C1orf21: variants seen among roughly 807,000 people sequenced by gnomAD.
The protein encoded by C1orf21 is uncharacterized protein C1orf21.
A neutral mutation model predicts 18.7 loss-of-function variants in C1orf21; 3 were observed. The ratio of observed to expected loss-of-function variants is 0.16; its 90% CI spans 0.07 to 0.42. The LOEUF (loss-of-function observed/expected upper bound fraction) is 0.42, where lower values mean the gene tolerates loss of function less well. C1orf21 is among the 10% of genes least tolerant of loss of function. The pLI, the probability that C1orf21 is intolerant of heterozygous loss-of-function variation, is 0.99. For missense variants in C1orf21, 104 were observed against 143.6 expected (o/e 0.72, Z 1.41); for synonymous variants, 41 against 46.4 (o/e 0.88, Z 0.47).
intron 1 of C1orf21, among the ~76,000 whole-genome samples, chr1:184,425,294 G>T (rs565754706): frequency 6.6e-6 from 1 of 151,400 alleles, no homozygotes; most frequent in African/African-American, 2.4e-5. Context: ...TTGAGACAAG[G>T]TCTCGTTCTG....
intron 1 of C1orf21, among the ~76,000 whole-genome samples, chr1:184,389,753 G>GT (rs986234581): frequency 1.3e-5 from 2 of 152,190 alleles, no homozygotes; most frequent in East Asian, 1.9e-4. Flanking sequence ...TCTATAAGAC[G>GT]TTTTTTTGTT....
At chr1:184,404,034 A>G (rs930456546) in intron 1 of C1orf21, among the ~76,000 whole-genome samples, 1 of 152,240 alleles carries the variant, frequency 6.6e-6, no homozygotes, top group Non-Finnish European at 1.5e-5. Context: ...GATATGTTAT[A>G]TGCCAGATAT....
intron 1 of C1orf21, among the ~76,000 whole-genome samples, chr1:184,444,642 T>C (rs1657000795): frequency 6.6e-6 from 1 of 152,164 alleles, no homozygotes; most frequent in Admixed American, 6.5e-5. Flanking sequence ...TGTGAGACTT[T>C]GGGAAGTTAT....
intron 2 of C1orf21, among the ~76,000 whole-genome samples, chr1:184,481,157 G>T (rs1396841387): frequency 6.6e-6 from 1 of 152,008 alleles, no homozygotes; most frequent in Non-Finnish European, 1.5e-5. Flanking sequence ...AAAGAGAAAA[G>T]AAGAAATAAC....
At chr1:184,611,073 T>C (rs1298597045) in intron 5 of C1orf21, among the ~76,000 whole-genome samples, 1 of 152,200 alleles carries the variant, frequency 6.6e-6, no homozygotes, top group African/African-American at 2.4e-5. Flanking sequence ...CACACTCCAC[T>C]GCTCATTACA....
In C1orf21 at chr1:184,496,760, T is replaced by A. The variant is rs184079318; in HGVS notation, c.95-10828T>A. Among the ~76,000 whole-genome samples, 649 of 152,298 alleles carry A rather than the reference T, an allele frequency of 4.3e-3. 2 individuals are homozygous for A. Among genetic ancestry groups the A allele is most frequent in the Non-Finnish European group, 6.5e-3 (439 of 68,022 alleles). ...ACCCTGTATGAGCTATCCACCCCAG[T>A]TTACGTTTGGCTTGTTTATACAGAA... On this transcript the variant is annotated intron_variant, in intron 2 of 5. Transcript: ENST00000235307.
intron 1 of C1orf21, among the ~76,000 whole-genome samples, chr1:184,475,845 A>G (rs1402612751): frequency 6.6e-6 from 1 of 151,622 alleles, no homozygotes; most frequent in East Asian, 1.9e-4. Flanking sequence ...AAGTTACATC[A>G]AGTATGGGGA....
At position 184,553,423 on chromosome 1, in the gene C1orf21, T is replaced by C. The variant is rs144184719; in HGVS notation, c.190-37316T>C. On this transcript the variant is annotated intron_variant, in intron 3 of 5. Coordinates refer to ENST00000235307, the MANE Select transcript of C1orf21 (RefSeq NM_030806.4). Reference sequence around the variant, plus strand: ...AAAAGTGAGTGCCTGCTTACTGTTTTTCCTGGTTCTGTGCCGTAAACACTG... The same window carrying C: ...AAAAGTGAGTGCCTGCTTACTGTTTCTCCTGGTTCTGTGCCGTAAACACTG... 2.9e-3 allele frequency among the ~76,000 whole-genome samples: 444 copies of C among 152,352 alleles called. 4 individuals carry two copies. The highest frequency in any genetic ancestry group is 8.5e-3 in the South Asian group (41 of 4,824).
chr1:184,400,555 A>G (rs1656135348), intron 1 of C1orf21, among the ~76,000 whole-genome samples: 1 of 152,228 alleles, frequency 6.6e-6, no homozygotes. Flanking sequence ...ACTCTGTACC[A>G]TGGGTAGAAA....
At chr1:184,521,985 C>G (rs1350545798) in intron 3 of C1orf21, among the ~76,000 whole-genome samples, 1 of 152,096 alleles carries the variant, frequency 6.6e-6, no homozygotes, top group Non-Finnish European at 1.5e-5. Flanking sequence ...ATTAACAATT[C>G]TGAAAACACT....
chr1:184,517,276 T>C (rs1658245392), intron 3 of C1orf21, among the ~76,000 whole-genome samples: 1 of 152,206 alleles, frequency 6.6e-6, no homozygotes, highest in African/African-American at 2.4e-5. Flanking sequence ...ACAAGTCCAT[T>C]TGAACTCTTT....
intron 2 of C1orf21, among the ~76,000 whole-genome samples, chr1:184,494,050 G>C (rs1185020146): frequency 3.9e-5 from 6 of 152,220 alleles, no homozygotes; most frequent in African/African-American, 1.4e-4. Context: ...AATAAAAAGA[G>C]AGACAAACAT....
intron 3 of C1orf21, among the ~76,000 whole-genome samples, chr1:184,585,461 A>G (rs928735672): frequency 6.6e-6 from 1 of 152,178 alleles, no homozygotes. Flanking sequence ...GCTTGTGTGC[A>G]TACCTTTATT....
chr1:184,424,936 C>G (rs1476920258), intron 1 of C1orf21, among the ~76,000 whole-genome samples: 6 of 152,142 alleles, frequency 3.9e-5, no homozygotes, highest in South Asian at 2.1e-4. Context: ...AACACCTAGC[C>G]CTGTATACCT....
chr1:184,435,717 G>A (rs1656847052), intron 1 of C1orf21, among the ~76,000 whole-genome samples: 1 of 152,188 alleles, frequency 6.6e-6, no homozygotes, highest in Admixed American at 6.5e-5. Context: ...GAGTCCAGTA[G>A]AAGAGAAGGA....
intron 1 of C1orf21, among the ~76,000 whole-genome samples, chr1:184,448,738 T>C (rs2101978398): frequency 6.6e-6 from 1 of 152,228 alleles, no homozygotes; most frequent in East Asian, 1.9e-4. Flanking sequence ...TTCTCTTGGA[T>C]CTCATTTCCT....
intron 2 of C1orf21, among the ~76,000 whole-genome samples, chr1:184,486,102 C>A (rs1266109626): frequency 6.6e-6 from 1 of 152,150 alleles, no homozygotes; most frequent in African/African-American, 2.4e-5. Flanking sequence ...ATCACAGAAG[C>A]CAGTCGACCT....
chr1:184,571,825 T>C (rs574624183), intron 3 of C1orf21, among the ~76,000 whole-genome samples: 2 of 152,322 alleles, frequency 1.3e-5, no homozygotes, highest in East Asian at 1.9e-4. Flanking sequence ...ATGTAAAGTA[T>C]TTATTGAAAA....
intron 3 of C1orf21, among the ~76,000 whole-genome samples, chr1:184,536,292 A>G (rs534061426): frequency 4.6e-5 from 7 of 152,122 alleles, no homozygotes; most frequent in Non-Finnish European, 8.8e-5. Flanking sequence ...TGGGAACTTC[A>G]TAGTTTCAGG....
Sources: gnomAD v4.1 joint callset for allele counts (sites outside exome capture counted in the v4.1 genomes callset) on GRCh38, gnomAD v4.1.1 for gene constraint, MANE v1.5 for transcripts, NCBI Gene and HGNC (gene_info 2026-07-23, HGNC 2026-07-21) for gene names.